GRHL2: variants seen among roughly 807,000 people sequenced by gnomAD.
The protein encoded by GRHL2 is grainyhead like transcription factor 2.
Under a neutral mutation model 83.8 loss-of-function variants are expected in GRHL2, and 21 were observed. The observed-to-expected ratio is 0.25, with a 90% CI of 0.18 to 0.36. The LOEUF is 0.36. Ranked by LOEUF, GRHL2 falls within the 10% of genes least tolerant of loss-of-function variation. GRHL2 has a pLI of 1.00. For synonymous variants in GRHL2, 280 were observed against 278.9 expected (o/e 1.00, Z -0.04); for missense variants, 623 against 781.8 (o/e 0.80, Z 2.42).
chr8:101,562,785 C>T (rs1811634603), intron 4 of GRHL2, among the ~76,000 whole-genome samples: 1 of 152,200 alleles, frequency 6.6e-6, no homozygotes. Flanking sequence ...TTTAGGAGCA[C>T]TGCCTCTGCA....
At chr8:101,575,173 G>C (rs1811908301) in intron 6 of GRHL2, among the ~76,000 whole-genome samples, 1 of 151,830 alleles carries the variant, frequency 6.6e-6, no homozygotes, top group Admixed American at 6.5e-5. Flanking sequence ...TCTTGTATAT[G>C]AGCATCTGGT....
chr8:101,613,479 C>G (rs1347165778), intron 8 of GRHL2, among the ~76,000 whole-genome samples: 1 of 150,740 alleles, frequency 6.6e-6, no homozygotes, highest in Admixed American at 6.6e-5. Context: ...CAATGCCAAG[C>G]ACAGAGAGAA....
chr8:101,573,705 C>G lies in GRHL2; in HGVS notation c.772C>G (p.Leu258Val). The change falls in exon 6 of 16, where the codon CTC becomes GTC. Residue 258 changes from leucine (L) to valine (V), a missense_variant. Coordinates refer to ENST00000646743, the MANE Select transcript of GRHL2 (RefSeq NM_024915.4). ...GTACACCCTGGAAGCCACCAAATCTCTCCGTCAGAAGCAGGGGGAGGGCCC... is the reference window on the plus strand; with the variant it reads ...GTACACCCTGGAAGCCACCAAATCTGTCCGTCAGAAGCAGGGGGAGGGCCC... ...FQYTLEATKS[L>V]RQKQGEGPMT... is the part of the protein sequence containing the mutation. The G allele has an allele frequency of 1.9e-6, 3 of 1,614,204 alleles. No homozygotes were observed. The highest frequency in any genetic ancestry group is 2.5e-6 in the Non-Finnish European group (3 of 1,180,042).
At chr8:101,649,166 G>A (rs1339754732) in intron 13 of GRHL2, among the ~76,000 whole-genome samples, 2 of 152,200 alleles carry the variant, frequency 1.3e-5, no homozygotes, top group Non-Finnish European at 2.9e-5. Context: ...GAACATTTGT[G>A]TCAAAGCATC....
At chr8:101,554,255 A>G (rs1312115997) in intron 3 of GRHL2, among the ~76,000 whole-genome samples, 1 of 152,220 alleles carries the variant, frequency 6.6e-6, no homozygotes, top group Non-Finnish European at 1.5e-5. Flanking sequence ...ACTGCCCTGG[A>G]GTCCTGGGAC....
At chr8:101,509,230 T>C (rs1810416250) in intron 1 of GRHL2, among the ~76,000 whole-genome samples, 1 of 146,326 alleles carries the variant, frequency 6.8e-6, no homozygotes, top group Admixed American at 7.0e-5. Context: ...TGTGTGTGTG[T>C]GTGTGTGTGT....
chr8:101,530,639 C>A (rs1177851093), intron 1 of GRHL2, among the ~76,000 whole-genome samples: 5 of 152,142 alleles, frequency 3.3e-5, no homozygotes, highest in Non-Finnish European at 7.4e-5. Context: ...ACCCATCACC[C>A]CATTCAATTC....
Position 101,666,744 on chromosome 8 carries a change from GTTCCT to G in GRHL2, c.*42_*46del. On this transcript the variant is annotated 3_prime_UTR_variant, in exon 16 of 16. Transcript: ENST00000646743. ...CCGCTTTGGCTGGAGCTCTCAGTGC[GTTCCT>G]CCCTGAGAGAGACAGAAGCCCCAGC... 2.6e-6 allele frequency: 3 copies of G among 1,160,042 alleles called. No individual in the cohort carries two copies. The highest frequency in any genetic ancestry group is 1.2e-5 in the South Asian group (1 of 81,110). The allele number at this position is 1,160,042 out of a possible 1,614,324, so 71.9% of individuals were successfully genotyped here.
At chr8:101,632,145 T>A in intron 10 of GRHL2, 81 bp from the exon 11 acceptor site, 5 of 1,467,826 alleles carry the variant, frequency 3.4e-6, no homozygotes, top group Non-Finnish European at 4.8e-6. Flanking sequence ...TATGAGAAAA[T>A]CGTGGACTTT....
intron 1 of GRHL2, among the ~76,000 whole-genome samples, chr8:101,514,192 C>A (rs894445923): frequency 7.2e-5 from 11 of 152,148 alleles, no homozygotes; most frequent in Non-Finnish European, 1.5e-4. Flanking sequence ...CAGGACAGTT[C>A]AGTGCTTTTA....
chr8:101,580,962 C>T (rs1394239432), intron 7 of GRHL2, among the ~76,000 whole-genome samples: 1 of 152,208 alleles, frequency 6.6e-6, no homozygotes, highest in African/African-American at 2.4e-5. Flanking sequence ...CTCAGCCTCC[C>T]AAAGTGCTGG....
At chr8:101,517,838 G>T (rs1161706436) in intron 1 of GRHL2, among the ~76,000 whole-genome samples, 2 of 152,192 alleles carry the variant, frequency 1.3e-5, no homozygotes, top group Non-Finnish European at 2.9e-5. Flanking sequence ...TTTCTAACAG[G>T]ATTGCTTGGC....
At chr8:101,501,729 G>A (rs768779558) in intron 1 of GRHL2, among the ~76,000 whole-genome samples, 1 of 152,008 alleles carries the variant, frequency 6.6e-6, no homozygotes, top group Admixed American at 6.6e-5. Context: ...TGCATCGTAG[G>A]GCATGTGAGT....
intron 1 of GRHL2, among the ~76,000 whole-genome samples, chr8:101,504,357 G>A (rs1810291907): frequency 6.6e-6 from 1 of 152,164 alleles, no homozygotes; most frequent in South Asian, 2.1e-4. Context: ...AGCAAAAGTA[G>A]GTGTATAAGT....
chr8:101,499,872 T>C (rs185138960), intron 1 of GRHL2, among the ~76,000 whole-genome samples: 1 of 152,042 alleles, frequency 6.6e-6, no homozygotes, highest in Non-Finnish European at 1.5e-5. Flanking sequence ...GGTAAGGAGT[T>C]CGATATCAGT....
chr8:101,546,907 A>G (rs1811278042), intron 2 of GRHL2, among the ~76,000 whole-genome samples: 3 of 152,234 alleles, frequency 2.0e-5, no homozygotes, highest in Middle Eastern at 3.2e-3. Flanking sequence ...TAGGGAGTTT[A>G]CATAAAACTC....
At chr8:101,514,669 C>T (rs1047926876) in intron 1 of GRHL2, among the ~76,000 whole-genome samples, 2 of 152,222 alleles carry the variant, frequency 1.3e-5, no homozygotes, top group African/African-American at 4.8e-5. Context: ...TGCAAGGTGC[C>T]TGCTAGTGGC....
At chr8:101,517,754 A>T (rs1810600993) in intron 1 of GRHL2, among the ~76,000 whole-genome samples, 1 of 152,190 alleles carries the variant, frequency 6.6e-6, no homozygotes, top group Admixed American at 6.5e-5. Context: ...TGATGCAAGC[A>T]TCACAAATGT....
chr8:101,495,220 C>T (rs1249071979), intron 1 of GRHL2, among the ~76,000 whole-genome samples: 1 of 152,190 alleles, frequency 6.6e-6, no homozygotes, highest in Non-Finnish European at 1.5e-5. Flanking sequence ...CCTTACGAGG[C>T]CTGCCTGTAG....
Sources: allele counts gnomAD v4.1 joint callset (sites outside exome capture counted in the v4.1 genomes callset), GRCh38; gene constraint gnomAD v4.1.1; transcripts MANE v1.5; gene names NCBI Gene and HGNC (gene_info 2026-07-23, HGNC 2026-07-21).